LARP4B: variants seen among roughly 807,000 people sequenced by gnomAD.
The protein encoded by LARP4B is la-related protein 4B.
In LARP4B, 12 loss-of-function variants were observed where a neutral mutation model predicts 89.8. The observed-to-expected ratio is 0.13, with a 90% CI of 0.09 to 0.22. The LOEUF (loss-of-function observed/expected upper bound fraction) is 0.22. LARP4B is among the 10% of genes least tolerant of loss of function. The probability of loss-of-function intolerance (pLI) is 1.00; values close to 1 mark genes in which losing one functional copy is unlikely to be tolerated. For missense variants in LARP4B, 757 were observed against 947.7 expected, an observed-to-expected ratio of 0.80 and a Z score of 2.64; for synonymous variants, 367 against 363.3, an observed-to-expected ratio of 1.01 and a Z score of -0.12.
rs1426236645 is a variant in LARP4B, at chr10:931,485, G to A, written c.-97C>T. Reference sequence around the variant, plus strand: ...CCCGCGGGCTCCTCGCCTCAACCCCGGGGCCCGGCGGCCGCGCCACACGCG... The same window carrying A: ...CCCGCGGGCTCCTCGCCTCAACCCCAGGGCCCGGCGGCCGCGCCACACGCG... On this transcript the variant is annotated 5_prime_UTR_variant, in exon 1 of 18. Coordinates refer to ENST00000316157, the MANE Select transcript of LARP4B (RefSeq NM_015155.3). The A allele has an allele frequency of 3.4e-5, 5 of 148,594 alleles. No individual in the cohort carries two copies. The highest frequency in any genetic ancestry group is 4.0e-4 in the East Asian group (2 of 4,968). 9.2% of individuals were successfully genotyped at this position (148,594 alleles called of 1,614,324 possible). A position where few individuals can be genotyped will look rare whatever the true frequency, so the allele number is the denominator to read the frequency against.
At position 812,135 on chromosome 10, in the gene LARP4B, A is replaced by AACAACATCATGGT. The variant is rs1831763685; in HGVS notation, c.*778_*790dup. 1 of 152,704 alleles carries AACAACATCATGGT rather than the reference A, an allele frequency of 6.5e-6. No homozygotes were observed. The allele number at this position is 152,704 out of a possible 1,614,324, so 9.5% of individuals were successfully genotyped here. The stretch of plus-strand genomic sequence containing the variant: ...GGGGCCATCAGCTCACAGGGGTCAA[A>AACAACATCATGGT]ACAACATCATGGTACAACTTCTGGT... On this transcript the variant is annotated 3_prime_UTR_variant, in exon 18 of 18. Coordinates refer to ENST00000316157, the MANE Select transcript of LARP4B (RefSeq NM_015155.3).
intron 3 of LARP4B, among the ~76,000 whole-genome samples, chr10:878,647 G>C (rs1407371601): frequency 1.3e-5 from 2 of 152,176 alleles, no homozygotes; most frequent in Non-Finnish European, 2.9e-5. Flanking sequence ...TGTATGTGTT[G>C]TATTTCCACA....
In LARP4B at chr10:929,024, T is replaced by G. The variant is rs369304869; in HGVS notation, c.-40+2404A>C. On this transcript the variant is annotated intron_variant, in intron 1 of 17. Transcript: ENST00000316157. ...AATCTCACTTTTAAAAATGGCAATC[T>G]TCCCGAACATTAAACCAAATTACAT... Among the ~76,000 whole-genome samples the G allele has an allele frequency of 2.6e-4, 40 of 152,358 alleles. 1 individual carries two copies. In the East Asian group the frequency reaches 7.7e-3, roughly 29 times the overall value.
chr10:875,654 C>G (rs547069621), intron 3 of LARP4B, among the ~76,000 whole-genome samples: 3 of 152,344 alleles, frequency 2.0e-5, no homozygotes, highest in South Asian at 2.1e-4. Context: ...TCTGGAGAGG[C>G]CTTTGTGCTG....
In LARP4B at chr10:812,961, G is replaced by A. The variant is rs749039712; in HGVS notation, c.2182C>T (p.Arg728Ter). 18 of 1,566,660 alleles carry A rather than the reference G, an allele frequency of 1.1e-5. No homozygotes were observed. Among genetic ancestry groups the A allele is most frequent in the Admixed American group, 2.1e-5 (1 of 46,758 alleles). Reference sequence around the variant, plus strand: ...GACTTGGGGGGAGTGCTCTGCTCTCGGCTGAGACGCTTCCCCATGGCCGAG... The same window carrying A: ...GACTTGGGGGGAGTGCTCTGCTCTCAGCTGAGACGCTTCCCCATGGCCGAG... ...SPSAMGKRLSREQSTPPKSPQ is the reference protein window; with the variant it reads ...SPSAMGKRLS The change falls in exon 18 of 18, where the codon CGA (arginine) becomes TGA (stop). Residue 728 changes from arginine to a stop codon, truncating the protein, a stop_gained. Transcript: ENST00000316157. LOFTEE classifies it high-confidence loss of function.
At chr10:858,213 C>T (rs1834406091) in intron 5 of LARP4B, among the ~76,000 whole-genome samples, 1 of 152,150 alleles carries the variant, frequency 6.6e-6, no homozygotes, top group Admixed American at 6.5e-5. Flanking sequence ...CAGCCCAATG[C>T]AACAGAAGAG....
In LARP4B at chr10:856,751, C is replaced by T. The variant is rs139732017; in HGVS notation, c.430+6992G>A. 1.7e-4 allele frequency among the ~76,000 whole-genome samples: 26 copies of T among 152,278 alleles called. No homozygotes were observed. The East Asian group carries it at 4.2e-3, about 25-fold the overall frequency. On this transcript the variant is annotated intron_variant, in intron 5 of 17. Transcript: ENST00000316157. ...GAAAAATCCCTTTGTGCTTCCGGCA[C>T]GAGTAGGAGAAAAGTAACCGTTTTG...
At chr10:911,665 G>A (rs1836668466) in intron 1 of LARP4B, among the ~76,000 whole-genome samples, 1 of 152,200 alleles carries the variant, frequency 6.6e-6, no homozygotes, top group South Asian at 2.1e-4. Flanking sequence ...AACACAGGAA[G>A]AGGCAACACT....
intron 1 of LARP4B, among the ~76,000 whole-genome samples, chr10:920,800 G>C (rs573787403): frequency 7.7e-4 from 117 of 152,122 alleles, no homozygotes; most frequent in Non-Finnish European, 1.3e-3. Context: ...AGAATTAAAG[G>C]TTCCTTCAGT....
the LARP4B span, among the ~76,000 whole-genome samples, chr10:977,247 G>T: frequency 1.3e-5 from 2 of 152,084 alleles, no homozygotes; most frequent in Middle Eastern, 3.2e-3. Context: ...TCTACTTCCT[G>T]GGCTCAAATG....
intron 1 of LARP4B, among the ~76,000 whole-genome samples, chr10:926,692 T>C (rs1239145906): frequency 6.6e-6 from 1 of 152,218 alleles, no homozygotes; most frequent in Non-Finnish European, 1.5e-5. Flanking sequence ...AAGTCTCATC[T>C]CTATGATTAT....
the LARP4B span, among the ~76,000 whole-genome samples, chr10:973,750 A>AGCATCTG: frequency 6.6e-6 from 1 of 152,192 alleles, no homozygotes; most frequent in African/African-American, 2.4e-5. Flanking sequence ...TGCATGCTGT[A>AGCATCTG]GTTAAGAGCT....
At chr10:932,215 G>A (rs1173280525), upstream of LARP4B, among the ~76,000 whole-genome samples, 94 of 131,786 alleles carry the variant, frequency 7.1e-4, no homozygotes, top group Non-Finnish European at 1.4e-3. Context: ...CAGGACCCAG[G>A]CCCCGACCCT....
chr10:888,813 G>A (rs1450939457), intron 1 of LARP4B, among the ~76,000 whole-genome samples: 3 of 152,210 alleles, frequency 2.0e-5, no homozygotes, highest in East Asian at 3.9e-4. Context: ...ACGGCAGGGC[G>A]CAGTGGCTCG....
At chr10:866,556 T>C (rs1834906212) in intron 3 of LARP4B, among the ~76,000 whole-genome samples, 1 of 152,242 alleles carries the variant, frequency 6.6e-6, no homozygotes, top group South Asian at 2.1e-4. Context: ...CCACCTGATC[T>C]GTTGTCTTTG....
intron 5 of LARP4B, among the ~76,000 whole-genome samples, chr10:850,031 G>C (rs1006153168): frequency 2.0e-5 from 3 of 152,142 alleles, no homozygotes; most frequent in Non-Finnish European, 2.9e-5. Flanking sequence ...GTTAGGTTAC[G>C]ATGTATCACT....
chr10:877,384 A>AGAAACAAATGAAAC (rs1554802984), intron 3 of LARP4B, among the ~76,000 whole-genome samples: 3 of 151,928 alleles, frequency 2.0e-5, no homozygotes, highest in Non-Finnish European at 4.4e-5. Flanking sequence ...CTGTCTCTAA[A>AGAAACAAATGAAAC]AAAACAAACA....
chr10:963,956 A>G, the LARP4B span, among the ~76,000 whole-genome samples: 2 of 152,214 alleles, frequency 1.3e-5, no homozygotes, highest in African/African-American at 4.8e-5. Flanking sequence ...TGGGGGACAC[A>G]TTCAAACCAT....
chr10:817,928 G>C (rs1832149840), intron 14 of LARP4B, 39 bp from the exon 15 acceptor site: 1 of 1,583,302 alleles, frequency 6.3e-7, no homozygotes, highest in Non-Finnish European at 8.6e-7. Flanking sequence ...GGTATGGAGA[G>C]AGAAGGCCAA....
Sources: allele counts gnomAD v4.1 joint callset (sites outside exome capture counted in the v4.1 genomes callset), GRCh38; gene constraint gnomAD v4.1.1; transcripts MANE v1.5; gene names NCBI Gene and HGNC (gene_info 2026-07-23, HGNC 2026-07-21).